The following MARCHF3 variants were observed in gnomAD, a reference collection of about 807,000 sequenced individuals.
MARCHF3 encodes membrane associated ring-CH-type finger 3, also known as E3 ubiquitin-protein ligase MARCHF3.
MARCHF3 carries 13 observed loss-of-function variants against 24.2 expected under a neutral mutation model. The ratio of observed to expected loss-of-function variants is 0.54; its 90% CI spans 0.35 to 0.85. MARCHF3 has a LOEUF of 0.85. MARCHF3 is among the 40% of genes least tolerant of loss of function. The pLI is 0.01. For synonymous variants in MARCHF3, 144 were observed against 137.3 expected (o/e 1.05, Z -0.34); for missense variants, 276 against 325.0 (o/e 0.85, Z 1.16).
intron 1 of MARCHF3, among the ~76,000 whole-genome samples, chr5:127,000,954 C>G (rs896195761): frequency 6.6e-6 from 1 of 152,094 alleles, no homozygotes; most frequent in Non-Finnish European, 1.5e-5. Context: ...TTAAAAAATT[C>G]TAGGGCCAGG....
chr5:126,987,550 T>C (rs545456017), intron 1 of MARCHF3, among the ~76,000 whole-genome samples: 2 of 152,112 alleles, frequency 1.3e-5, no homozygotes, highest in South Asian at 4.2e-4. Flanking sequence ...AACAAATATT[T>C]CTCTGTCTTT....
intron 1 of MARCHF3, among the ~76,000 whole-genome samples, chr5:126,960,725 A>G (rs1750612005): frequency 6.6e-6 from 1 of 152,104 alleles, no homozygotes; most frequent in Admixed American, 6.6e-5. Flanking sequence ...CAAGACATTC[A>G]CAGCAATGAT....
chr5:127,019,579 T>A (rs1752730184), intron 1 of MARCHF3, among the ~76,000 whole-genome samples: 1 of 152,226 alleles, frequency 6.6e-6, no homozygotes, highest in African/African-American at 2.4e-5. Context: ...GATATTGTCT[T>A]GTCTCCAAGT....
intron 3 of MARCHF3, among the ~76,000 whole-genome samples, chr5:126,910,747 TATG>T (rs1282442552): frequency 6.6e-6 from 1 of 152,140 alleles, no homozygotes; most frequent in Admixed American, 6.5e-5. Flanking sequence ...TTTTGAACAA[TATG>T]ATATCTGGGC....
At position 126,884,616 on chromosome 5, in the gene MARCHF3, G is replaced by A. The variant is rs868647099; in HGVS notation, c.394-6222C>T. Among the ~76,000 whole-genome samples, 40 of 152,252 alleles carry A rather than the reference G, an allele frequency of 2.6e-4. No homozygotes were observed. In the Middle Eastern group the frequency reaches 0.01, roughly 39 times the overall value. ...TATCAGTAAATGACCATCCACCCCT[G>A]TCACTTAGTCATCCTGTTCCATTCT... On this transcript the variant is annotated intron_variant, in intron 3 of 4. Coordinates refer to ENST00000308660, the MANE Select transcript of MARCHF3 (RefSeq NM_178450.5).
intron 1 of MARCHF3, among the ~76,000 whole-genome samples, chr5:126,991,707 C>A (rs1257802472): frequency 1.3e-5 from 2 of 149,478 alleles, no homozygotes; most frequent in Admixed American, 6.6e-5. Context: ...GACGACAGAG[C>A]AAGATTCTAT....
chr5:126,867,997 T>C lies in MARCHF3; in HGVS notation c.*2636A>G, dbSNP rs1426933256. 1 of 152,152 alleles carries C rather than the reference T, an allele frequency of 6.6e-6. No individual in the cohort carries two copies. Among genetic ancestry groups the C allele is most frequent in the Non-Finnish European group, 1.5e-5 (1 of 68,024 alleles). 9.4% of individuals were successfully genotyped at this position (152,152 alleles called of 1,614,324 possible). ...AAGGAGTGTGGAAGAGGGAGTTTTT[T>C]TAAAAAGTCAGTTAAAGAGAAGCAA... On this transcript the variant is annotated 3_prime_UTR_variant, in exon 5 of 5. Coordinates refer to ENST00000308660, the MANE Select transcript of MARCHF3 (RefSeq NM_178450.5).
At chr5:126,923,154 TAA>T (rs1561429858) in intron 1 of MARCHF3, among the ~76,000 whole-genome samples, 6 of 149,614 alleles carry the variant, frequency 4.0e-5, no homozygotes, top group Admixed American at 4.0e-4. Flanking sequence ...GAACTTAAAA[TAA>T]AAGTTGAAAA....
intron 1 of MARCHF3, among the ~76,000 whole-genome samples, chr5:126,992,429 C>A (rs1186734812): frequency 6.6e-6 from 1 of 152,142 alleles, no homozygotes. Context: ...TGGACATTAC[C>A]CTGAAGCAAA....
chr5:127,027,216 A>G (rs1753027315), intron 1 of MARCHF3, among the ~76,000 whole-genome samples: 1 of 152,200 alleles, frequency 6.6e-6, no homozygotes, highest in East Asian at 1.9e-4. Flanking sequence ...AAATCTATTT[A>G]CCCAATTAAT....
At chr5:126,938,999 G>A (rs530480826) in intron 1 of MARCHF3, among the ~76,000 whole-genome samples, 2 of 152,268 alleles carry the variant, frequency 1.3e-5, no homozygotes, top group East Asian at 3.9e-4. Flanking sequence ...TGAATTCTGT[G>A]GATACATTGG....
intron 1 of MARCHF3, among the ~76,000 whole-genome samples, chr5:126,978,901 G>A (rs1751295630): frequency 1.3e-5 from 2 of 152,318 alleles, no homozygotes; most frequent in Non-Finnish European, 1.5e-5. Flanking sequence ...ACATTTTCTG[G>A]AGCAAGGGCT....
intron 1 of MARCHF3, among the ~76,000 whole-genome samples, chr5:127,013,971 G>A (rs1752552407): frequency 6.6e-6 from 1 of 152,136 alleles, no homozygotes; most frequent in South Asian, 2.1e-4. Context: ...TAGAGGAAAT[G>A]CTTCAGGACA....
chr5:126,897,828 G>A (rs1753977927), intron 3 of MARCHF3, among the ~76,000 whole-genome samples: 1 of 152,040 alleles, frequency 6.6e-6, no homozygotes, highest in African/African-American at 2.4e-5. Context: ...TAACCAGGAT[G>A]TTGAGGAAAA....
intron 3 of MARCHF3, among the ~76,000 whole-genome samples, chr5:126,884,187 T>A (rs1402966688): frequency 6.6e-6 from 1 of 152,166 alleles, no homozygotes; most frequent in African/African-American, 2.4e-5. Context: ...TGATTTAAAA[T>A]TGAAGATGAA....
rs1389411634 is a variant in MARCHF3, at chr5:126,958,141, G to C, written c.-56-39914C>G. On this transcript the variant is annotated intron_variant, in intron 1 of 4. Transcript: ENST00000308660. ...TGTGTTGATTCTTTTAAGTTTCTAG[G>C]TAAACAGAAATATAACATACAAATC... Among the ~76,000 whole-genome samples, 3 of 151,910 alleles carry C rather than the reference G, an allele frequency of 2.0e-5. No homozygotes were observed. The East Asian group carries it at 5.8e-4, about 29-fold the overall frequency.
intron 1 of MARCHF3, among the ~76,000 whole-genome samples, chr5:126,966,305 A>G (rs1391454731): frequency 6.6e-6 from 1 of 152,198 alleles, no homozygotes; most frequent in Admixed American, 6.5e-5. Flanking sequence ...CATTCAACTT[A>G]TAGCCTTAAA....
chr5:126,939,634 A>G (rs1749763947), intron 1 of MARCHF3, among the ~76,000 whole-genome samples: 1 of 152,252 alleles, frequency 6.6e-6, no homozygotes, highest in African/African-American at 2.4e-5. Flanking sequence ...CCTGAATCTA[A>G]GACTTGAATA....
chr5:126,938,335 T>G (rs2126808080), intron 1 of MARCHF3, among the ~76,000 whole-genome samples: 1 of 152,098 alleles, frequency 6.6e-6, no homozygotes, highest in East Asian at 1.9e-4. Context: ...ACCTGGCTAA[T>G]TTTTGTAATT....
Sources: gnomAD v4.1 joint callset for allele counts (sites outside exome capture counted in the v4.1 genomes callset) on GRCh38, gnomAD v4.1.1 for gene constraint, MANE v1.5 for transcripts, NCBI Gene and HGNC (gene_info 2026-07-23, HGNC 2026-07-21) for gene names.